Variants in DLG2 observed in about 807,000 individuals in gnomAD.
DLG2 encodes discs large MAGUK scaffold protein 2, also known as disks large homolog 2.
In DLG2, 45 loss-of-function variants were observed where a neutral mutation model predicts 132.5. That is an observed-to-expected ratio of 0.34 (90% CI 0.27 to 0.44). The LOEUF (loss-of-function observed/expected upper bound fraction) is 0.44, where lower values mean the gene tolerates loss of function less well. DLG2 is among the 20% of genes least tolerant of loss of function. The pLI is 1.00. For missense variants in DLG2, 1,045 were observed against 1,196.9 expected, an observed-to-expected ratio of 0.87 and a Z score of 1.87; for synonymous variants, 424 against 419.6, an observed-to-expected ratio of 1.01 and a Z score of -0.13.
intron 8 of DLG2, among the ~76,000 whole-genome samples, chr11:84,166,310 T>TG (rs780632432): frequency 6.6e-6 from 1 of 152,010 alleles, no homozygotes; most frequent in Non-Finnish European, 1.5e-5. Flanking sequence ...GATAACATCC[T>TG]GGCCAACATG....
At chr11:85,233,912 AC>A (rs922376822) in intron 4 of DLG2, among the ~76,000 whole-genome samples, 8 of 151,884 alleles carry the variant, frequency 5.3e-5, no homozygotes, top group African/African-American at 1.9e-4. Flanking sequence ...AATTTTCACA[AC>A]AATCCTGAGA....
intron 15 of DLG2, among the ~76,000 whole-genome samples, chr11:83,895,684 C>A (rs182657536): frequency 6.6e-6 from 1 of 152,198 alleles, no homozygotes; most frequent in African/African-American, 2.4e-5. Flanking sequence ...CAGCCTGCTG[C>A]TATTCATTCT....
intron 8 of DLG2, among the ~76,000 whole-genome samples, chr11:84,204,053 G>A (rs550983604): frequency 6.6e-6 from 1 of 152,296 alleles, no homozygotes; most frequent in East Asian, 1.9e-4. Flanking sequence ...TGCCTCCCAG[G>A]TTCAAGTGAT....
intron 4 of DLG2, among the ~76,000 whole-genome samples, chr11:85,233,249 A>G (rs1227336315): frequency 6.6e-6 from 1 of 151,798 alleles, no homozygotes; most frequent in Admixed American, 6.6e-5. Context: ...TTAGAGGCAT[A>G]CAAAGGGCAG....
At chr11:83,635,162 G>A (rs1457532270) in intron 18 of DLG2, among the ~76,000 whole-genome samples, 1 of 152,104 alleles carries the variant, frequency 6.6e-6, no homozygotes, top group African/African-American at 2.4e-5. Context: ...AATCACTTGA[G>A]CCCAGGATTT....
intron 6 of DLG2, among the ~76,000 whole-genome samples, chr11:84,933,651 G>A (rs563017283): frequency 1.5e-4 from 23 of 151,930 alleles, no homozygotes; most frequent in Admixed American, 2.6e-4. Context: ...TTCATGATTC[G>A]GCTCTCAGCT....
At chr11:85,495,894 G>A (rs2093658333) in intron 3 of DLG2, among the ~76,000 whole-genome samples, 1 of 152,178 alleles carries the variant, frequency 6.6e-6, no homozygotes, top group African/African-American at 2.4e-5. Flanking sequence ...GCCCATCAGT[G>A]ATAGGCTGCA....
chr11:85,104,321 A>G (rs1270432345), intron 6 of DLG2, among the ~76,000 whole-genome samples: 1 of 151,986 alleles, frequency 6.6e-6, no homozygotes, highest in Non-Finnish European at 1.5e-5. Context: ...ATGTCTATCA[A>G]CTGATGAATG....
At chr11:84,647,635 A>C (rs1594801280) in intron 6 of DLG2, among the ~76,000 whole-genome samples, 1 of 152,226 alleles carries the variant, frequency 6.6e-6, no homozygotes. Context: ...CCATTAGATC[A>C]TAAATTCCTT....
chr11:84,924,005 T>G (rs546419699), intron 6 of DLG2, among the ~76,000 whole-genome samples: 1 of 151,978 alleles, frequency 6.6e-6, no homozygotes, highest in Non-Finnish European at 1.5e-5. Context: ...TCAGATTCAG[T>G]AGCAACTGCT....
At chr11:85,021,775 G>A (rs2060094376) in intron 6 of DLG2, 2 of 545,094 alleles carry the variant, frequency 3.7e-6, no homozygotes, top group Non-Finnish European at 6.8e-6. Flanking sequence ...GGTTCTACGT[G>A]GAGAACCTGA....
Position 85,017,519 on chromosome 11 carries a change from A to G in DLG2, c.357+94142T>C, listed in dbSNP as rs572943796. Among the ~76,000 whole-genome samples the G allele has an allele frequency of 3.3e-5, 5 of 152,256 alleles. 1 individual carries two copies. In the East Asian group the frequency reaches 9.7e-4, roughly 29 times the overall value. On this transcript the variant is annotated intron_variant, in intron 6 of 27. Transcript: ENST00000376104. ...TCATCTTTAGGCACACTCCCCTTAA[A>G]ACTGTAATCCAATATTCTTAGCAAA... is the stretch of plus-strand genomic sequence containing the variant.
At chr11:84,685,876 A>G (rs950301742) in intron 6 of DLG2, among the ~76,000 whole-genome samples, 14 of 152,042 alleles carry the variant, frequency 9.2e-5, no homozygotes, top group African/African-American at 3.4e-4. Flanking sequence ...TTTAGTAGAG[A>G]CGAGGTTTCA....
intron 3 of DLG2, among the ~76,000 whole-genome samples, chr11:85,506,699 T>C (rs1460969973): frequency 1.3e-5 from 2 of 152,162 alleles, no homozygotes; most frequent in African/African-American, 4.8e-5. Flanking sequence ...TTCTGTTGAT[T>C]TGGGGTGGAG....
At chr11:84,884,951 C>A (rs2087990818) in intron 6 of DLG2, among the ~76,000 whole-genome samples, 1 of 152,084 alleles carries the variant, frequency 6.6e-6, no homozygotes, top group African/African-American at 2.4e-5. Context: ...ACTATATAAA[C>A]TAGCTGCCCA....
chr11:83,553,690 A>T (rs1398997727), intron 19 of DLG2, among the ~76,000 whole-genome samples: 2 of 152,186 alleles, frequency 1.3e-5, no homozygotes, highest in Non-Finnish European at 1.5e-5. Flanking sequence ...CTGCAGTCTG[A>T]CTTTCACCCA....
At chr11:83,938,192 T>C (rs1345598127) in intron 14 of DLG2, among the ~76,000 whole-genome samples, 1 of 152,238 alleles carries the variant, frequency 6.6e-6, no homozygotes, top group East Asian at 1.9e-4. Flanking sequence ...CTTTATTTTA[T>C]AATGTTGAAT....
chr11:84,086,431 C>T (rs1289589638), intron 10 of DLG2, among the ~76,000 whole-genome samples: 1 of 151,392 alleles, frequency 6.6e-6, no homozygotes, highest in Non-Finnish European at 1.5e-5. Context: ...CAGAGTTGTC[C>T]AATTGCCCTA....
Position 84,163,494 on chromosome 11 carries a change from A to T in DLG2, c.591T>A (p.Ile197=). ...GTGTAATTTCTTCAAATTCATATTCAATTTCTGTCCCATTGACCTGTAAAT... is the reference window on the plus strand; with the variant it reads ...GTGTAATTTCTTCAAATTCATATTCTATTTCTGTCCCATTGACCTGTAAAT... ...DTIPYVNGTE[I]EYEFEEITLE... The change falls in exon 9 of 28, where the codon ATT becomes ATA. Residue 197 remains isoleucine (I), a synonymous_variant. Coordinates refer to ENST00000376104, the MANE Select transcript of DLG2 (RefSeq NM_001142699.3). 1 of 1,607,144 alleles carries T rather than the reference A, an allele frequency of 6.2e-7. No homozygotes were observed. The highest frequency in any genetic ancestry group is 8.5e-7 in the Non-Finnish European group (1 of 1,177,578).
Sources: allele counts gnomAD v4.1 joint callset (sites outside exome capture counted in the v4.1 genomes callset), GRCh38; gene constraint gnomAD v4.1.1; transcripts MANE v1.5; gene names NCBI Gene and HGNC (gene_info 2026-07-23, HGNC 2026-07-21).